MECOM: variants seen among roughly 807,000 people sequenced by gnomAD.
MECOM encodes MDS1 and EVI1 complex locus, also known as histone-lysine N-methyltransferase MECOM.
MECOM carries 13 observed loss-of-function variants against 116.3 expected under a neutral mutation model. The observed-to-expected ratio is 0.11, with a 90% CI of 0.07 to 0.18. The LOEUF (loss-of-function observed/expected upper bound fraction) is 0.18, where lower values mean the gene tolerates loss of function less well. MECOM is among the 10% of genes least tolerant of loss of function. The pLI is 1.00. For synonymous variants in MECOM, 528 were observed against 535.2 expected, an observed-to-expected ratio of 0.99 and a Z score of 0.19; for missense variants, 1,299 against 1,509.0, an observed-to-expected ratio of 0.86 and a Z score of 2.31.
At chr3:169,221,567 T>C (rs1439080984) in intron 2 of MECOM, among the ~76,000 whole-genome samples, 1 of 132,380 alleles carries the variant, frequency 7.6e-6, no homozygotes, top group Non-Finnish European at 1.6e-5. Flanking sequence ...AAAGAGATGT[T>C]AAAAAAAAAA....
intron 1 of MECOM, among the ~76,000 whole-genome samples, chr3:169,656,331 C>G (rs1775542058): frequency 1.3e-5 from 2 of 152,148 alleles, no homozygotes; most frequent in South Asian, 4.1e-4. Flanking sequence ...AAATAAATTT[C>G]TCCTTTAGAA....
At chr3:169,480,461 C>G (rs1332597959) in intron 1 of MECOM, among the ~76,000 whole-genome samples, 1 of 152,172 alleles carries the variant, frequency 6.6e-6, no homozygotes, top group Non-Finnish European at 1.5e-5. Context: ...CCAACCCCTT[C>G]CCCTGTGGCT....
At chr3:169,094,253 A>T (rs939608699) in intron 13 of MECOM, among the ~76,000 whole-genome samples, 1 of 152,002 alleles carries the variant, frequency 6.6e-6, no homozygotes, top group Non-Finnish European at 1.5e-5. Context: ...ATTAATCCAA[A>T]TTTTTTCTGT....
Position 169,612,039 on chromosome 3 carries a change from C to A in MECOM, c.37+51297G>T, listed in dbSNP as rs76849536. Reference sequence around the variant, plus strand: ...CCCAGTAGGTGCTAGTAGCCAACCTCCCGAATCTCTAGTTATGAGTTATGA... The same window carrying A: ...CCCAGTAGGTGCTAGTAGCCAACCTACCGAATCTCTAGTTATGAGTTATGA... On this transcript the variant is annotated intron_variant, in intron 1 of 16. Transcript: ENST00000651503. Among the ~76,000 whole-genome samples, 2,435 of 152,242 alleles carry A rather than the reference C, an allele frequency of 0.016. 219 individuals are homozygous for A. The East Asian group carries it at 0.28, about 17-fold the overall frequency.
chr3:169,550,169 G>C (rs1761203230), intron 1 of MECOM, among the ~76,000 whole-genome samples: 1 of 152,172 alleles, frequency 6.6e-6, no homozygotes, highest in Non-Finnish European at 1.5e-5. Context: ...AGTTATTACA[G>C]TTTCTTTGGC....
intron 2 of MECOM, among the ~76,000 whole-genome samples, chr3:169,329,531 A>G (rs1722394914): frequency 6.6e-6 from 1 of 152,292 alleles, no homozygotes; most frequent in South Asian, 2.1e-4. Flanking sequence ...CGTGCCCTTA[A>G]TTCTTAATTC....
rs115142447 is a variant in MECOM at position 169,555,843 on chromosome 3, C to G, written c.37+107493G>C. On this transcript the variant is annotated intron_variant, in intron 1 of 16. Transcript: ENST00000651503. Reference sequence around the variant, plus strand: ...TCACTTATCTTCTCCCAACACGCAGCCTGTGTCTTCACCCTGGCGGACTGG... The same window carrying G: ...TCACTTATCTTCTCCCAACACGCAGGCTGTGTCTTCACCCTGGCGGACTGG... 4.9e-3 allele frequency among the ~76,000 whole-genome samples: 753 copies of G among 152,324 alleles called. 11 individuals are homozygous for G. The highest frequency in any genetic ancestry group is 0.017 in the African/African-American group (716 of 41,582).
chr3:169,263,100 TATATATATATATATATATATATATATATG>T (rs1757767271), intron 2 of MECOM, among the ~76,000 whole-genome samples: 8 of 70,132 alleles, frequency 1.1e-4, no homozygotes, highest in African/African-American at 4.2e-4. Context: ...TATATATATA[TATATATATATATATATATATATATATATG>T]TTTTTTTTTT....
At chr3:169,271,731 C>T (rs574239157) in intron 2 of MECOM, among the ~76,000 whole-genome samples, 1 of 152,142 alleles carries the variant, frequency 6.6e-6, no homozygotes, top group Non-Finnish European at 1.5e-5. Context: ...ACATTGTGCA[C>T]ATGTACCCTA....
intron 2 of MECOM, among the ~76,000 whole-genome samples, chr3:169,250,262 C>G (rs376823990): frequency 6.6e-6 from 1 of 152,146 alleles, no homozygotes; most frequent in South Asian, 2.1e-4. Flanking sequence ...TCAATTGACT[C>G]TTAGTAGCAG....
chr3:169,407,309 A>G (rs1736862159), intron 1 of MECOM, among the ~76,000 whole-genome samples: 1 of 152,178 alleles, frequency 6.6e-6, no homozygotes. Flanking sequence ...CCTCTCTATA[A>G]GGTTGGTTCA....
intron 5 of MECOM, among the ~76,000 whole-genome samples, chr3:169,125,192 G>A: frequency 6.6e-6 from 1 of 151,994 alleles, no homozygotes; most frequent in Non-Finnish European, 1.5e-5. Context: ...CATAAGAAAG[G>A]CCCTAACTTT....
intron 2 of MECOM, among the ~76,000 whole-genome samples, chr3:169,301,116 G>A (rs931319775): frequency 2.0e-5 from 3 of 152,010 alleles, no homozygotes; most frequent in Admixed American, 6.6e-5. Flanking sequence ...ATTAAATATC[G>A]GCGCGATTCT....
chr3:169,407,191 A>T (rs1418938551), intron 1 of MECOM, among the ~76,000 whole-genome samples: 2 of 152,164 alleles, frequency 1.3e-5, no homozygotes, highest in Non-Finnish European at 2.9e-5. Flanking sequence ...CACCATTTAC[A>T]GTACCCAAAC....
chr3:169,574,744 G>C (rs1171714344), intron 1 of MECOM, among the ~76,000 whole-genome samples: 1 of 152,046 alleles, frequency 6.6e-6, no homozygotes, highest in Non-Finnish European at 1.5e-5. Context: ...TTGAATTAGG[G>C]AGAACGGAGG....
intron 1 of MECOM, among the ~76,000 whole-genome samples, chr3:169,643,707 C>T (rs1773785786): frequency 1.3e-5 from 2 of 152,196 alleles, no homozygotes; most frequent in Admixed American, 1.3e-4. Context: ...CTGGCCTGAC[C>T]TTGGGCCTTC....
At chr3:169,089,523 T>A (rs1560109636) in intron 15 of MECOM, among the ~76,000 whole-genome samples, 2 of 152,254 alleles carry the variant, frequency 1.3e-5, no homozygotes, top group South Asian at 4.1e-4. Context: ...TCAACATCCA[T>A]CATGAAAATA....
At chr3:169,530,309 C>A (rs1438474064) in intron 1 of MECOM, among the ~76,000 whole-genome samples, 1 of 152,140 alleles carries the variant, frequency 6.6e-6, no homozygotes, top group East Asian at 1.9e-4. Context: ...ACTCAAGGAC[C>A]TGGAGTGTGC....
intron 2 of MECOM, among the ~76,000 whole-genome samples, chr3:169,308,017 A>T (rs575983995): frequency 6.6e-6 from 1 of 152,320 alleles, no homozygotes; most frequent in South Asian, 2.1e-4. Context: ...TACTTTAGTT[A>T]GGTTACTCTT....
Sources: gnomAD v4.1 joint callset for allele counts (sites outside exome capture counted in the v4.1 genomes callset) on GRCh38, gnomAD v4.1.1 for gene constraint, MANE v1.5 for transcripts, NCBI Gene and HGNC (gene_info 2026-07-23, HGNC 2026-07-21) for gene names.